ZNF462: variants seen among roughly 807,000 people sequenced by gnomAD.
ZNF462 encodes the protein zinc finger protein 462.
ZNF462 carries 10 observed loss-of-function variants against 201.9 expected under a neutral mutation model. That is an observed-to-expected ratio of 0.05 (90% confidence interval 0.03 to 0.08). The LOEUF is 0.08. Among genes scored for constraint, ZNF462 ranks in the 10% least tolerant of loss-of-function variants. The probability of loss-of-function intolerance (pLI) is 1.00; values close to 1 mark genes in which losing one functional copy is unlikely to be tolerated. For missense variants in ZNF462, 2,523 were observed against 3,168.3 expected (o/e 0.80, Z 4.89); for synonymous variants, 1,227 against 1,193.3 (o/e 1.03, Z -0.58).
chr9:106,911,234 C>G (rs2131304456), intron 1 of ZNF462, among the ~76,000 whole-genome samples: 1 of 152,316 alleles, frequency 6.6e-6, no homozygotes, highest in Non-Finnish European at 1.5e-5. Context: ...TTAGTATTTT[C>G]TCATTAATTG....
rs1827281388 is a variant in ZNF462, at chr9:106,865,253, A to G, written c.-31+1898A>G. ...GACCTGAAGGGTTTTGACCTCCTTCAGGAAAGGCAAGGCAAAAACCTTAAA... is the reference window on the plus strand; with the variant it reads ...GACCTGAAGGGTTTTGACCTCCTTCGGGAAAGGCAAGGCAAAAACCTTAAA... On this transcript the variant is annotated intron_variant, in intron 1 of 12. Transcript: ENST00000277225. This position sits in a 1 kb window ranked among gnomAD's most constrained non-coding sequence, Gnocchi z 4.1. Among the ~76,000 whole-genome samples, 1 of 152,080 alleles carries G rather than the reference A, an allele frequency of 6.6e-6. No individual in the cohort carries two copies. The highest frequency in any genetic ancestry group is 1.5e-5 in the Non-Finnish European group (1 of 68,018).
chr9:106,957,585 CATATAAT>C (rs1329937007), intron 7 of ZNF462, among the ~76,000 whole-genome samples: 2 of 152,046 alleles, frequency 1.3e-5, no homozygotes. Context: ...CTGTATAGTA[CATATAAT>C]ATATATCATG....
chr9:106,951,885 C>T (rs1308749944), intron 7 of ZNF462, among the ~76,000 whole-genome samples: 5 of 149,836 alleles, frequency 3.3e-5, no homozygotes, highest in African/African-American at 9.9e-5. Flanking sequence ...ATTTTGGAGT[C>T]GCGGTGCTGT....
chr9:106,946,005 C>G, intron 7 of ZNF462, among the ~76,000 whole-genome samples: 1 of 152,242 alleles, frequency 6.6e-6, no homozygotes, highest in Middle Eastern at 3.2e-3. Context: ...TGGCTGCTAT[C>G]ATCCTTTGTG....
chr9:106,912,284 T>C (rs1348799662), intron 1 of ZNF462, among the ~76,000 whole-genome samples: 4 of 152,222 alleles, frequency 2.6e-5, no homozygotes, highest in Non-Finnish European at 5.9e-5. Flanking sequence ...AATTCAGTGT[T>C]ATAGCTCTTG....
At chr9:106,914,565 A>G (rs1382155227) in intron 1 of ZNF462, among the ~76,000 whole-genome samples, 1 of 152,220 alleles carries the variant, frequency 6.6e-6, no homozygotes, top group African/African-American at 2.4e-5. Flanking sequence ...GAATCCTATC[A>G]TTCAGAAGCT....
At position 106,876,433 on chromosome 9, in the gene ZNF462, C is replaced by A. The variant is rs114630319; in HGVS notation, c.-31+13078C>A. ...GGTATTTTGTTCTTGGTCTTAAAGTCAGCTTTTGGAATCCTGCTTGTTTAA... is the reference window on the plus strand; with the variant it reads ...GGTATTTTGTTCTTGGTCTTAAAGTAAGCTTTTGGAATCCTGCTTGTTTAA... On this transcript the variant is annotated intron_variant, in intron 1 of 12. Transcript: ENST00000277225. This position sits in a 1 kb window ranked among gnomAD's most constrained non-coding sequence, Gnocchi z 4.9. Among the ~76,000 whole-genome samples, 141 of 152,254 alleles carry A rather than the reference C, an allele frequency of 9.3e-4. No individual in the cohort carries two copies. The highest frequency in any genetic ancestry group is 3.2e-3 in the African/African-American group (135 of 41,558).
At chr9:106,961,629 T>G (rs1831844722) in intron 7 of ZNF462, among the ~76,000 whole-genome samples, 1 of 151,940 alleles carries the variant, frequency 6.6e-6, no homozygotes, top group South Asian at 2.1e-4. Context: ...TTAAAACAAT[T>G]ATAGATAGAT....
intron 1 of ZNF462, among the ~76,000 whole-genome samples, chr9:106,875,957 AAGAT>A (rs576493817): frequency 2.3e-3 from 354 of 152,332 alleles, no homozygotes; most frequent in South Asian, 5.6e-3. Context: ...TACATAGAGA[AAGAT>A]AGATAGATAG....
chr9:106,874,809 T>C (rs1827755391), intron 1 of ZNF462, among the ~76,000 whole-genome samples: 1 of 152,180 alleles, frequency 6.6e-6, no homozygotes, highest in Admixed American at 6.5e-5. Context: ...TTTGTGAAAT[T>C]CATCCCTGCC....
At chr9:106,910,439 A>G (rs987358665) in intron 1 of ZNF462, among the ~76,000 whole-genome samples, 5 of 149,412 alleles carry the variant, frequency 3.3e-5, no homozygotes, top group African/African-American at 1.2e-4. Flanking sequence ...CTTGGCCCTC[A>G]AAAAATGAGA....
chr9:106,893,673 G>A (rs1049875883), intron 1 of ZNF462, among the ~76,000 whole-genome samples: 12 of 152,146 alleles, frequency 7.9e-5, no homozygotes, highest in African/African-American at 2.7e-4. Context: ...CTCAGGAGAC[G>A]GCAGGAACTA....
At position 106,928,963 on chromosome 9, in the gene ZNF462, A is replaced by G. The variant is rs754443425; in HGVS notation, c.5051A>G (p.Asn1684Ser). The G allele has an allele frequency of 1.9e-6, 3 of 1,613,952 alleles. No individual in the cohort carries two copies. The highest frequency in any genetic ancestry group is 2.2e-5 in the East Asian group (1 of 44,862). ...GIARHYRIKH[N>S]NVRAQPEGKN... is the part of the protein sequence containing the mutation. ...GCCAGGCACTACCGCATCAAGCACA[A>G]TAATGTCCGAGCCCAGCCAGAAGGC... Residue 1684 changes from asparagine (N) to serine (S), a missense_variant, in exon 3 of 13, where the codon AAT becomes AGT. Around this residue, in one of 15 missense-constraint regions of ZNF462, gnomAD observed 200 missense variants for 281.3 expected, o/e 0.71. Transcript: ENST00000277225. This position sits in a 1 kb window ranked among gnomAD's most constrained non-coding sequence, Gnocchi z 9.3.
At position 106,872,891 on chromosome 9, in the gene ZNF462, C is replaced by T. The variant is rs796882276; in HGVS notation, c.-31+9536C>T. Among the ~76,000 whole-genome samples, 9 of 152,040 alleles carry T rather than the reference C, an allele frequency of 5.9e-5. No individual in the cohort carries two copies. The highest frequency in any genetic ancestry group is 1.3e-4 in the Admixed American group (2 of 15,272). On this transcript the variant is annotated intron_variant, in intron 1 of 12. Transcript: ENST00000277225. The surrounding 1 kb of genome is among the most constrained non-coding windows in gnomAD (Gnocchi z 4.5). ...CTGACTCATAGTTAATACTGGACAA[C>T]GGTTTTTATTTTTTTTTAACATTTA... is the stretch of plus-strand genomic sequence containing the variant.
At position 107,003,211 on chromosome 9, in the gene ZNF462, G is replaced by A. The variant is rs892325202; in HGVS notation, c.7057-83G>A. On this transcript the variant is annotated intron_variant, in intron 10 of 12. Coordinates refer to ENST00000277225, the MANE Select transcript of ZNF462 (RefSeq NM_021224.6). The surrounding 1 kb of genome is among the most constrained non-coding windows in gnomAD (Gnocchi z 4.4). ...TGCAAAACCACAGTCACAGGAAAAT[G>A]ATGTTAGAAAGATCTCTCCATCAGG... 36 of 1,545,522 alleles carry A rather than the reference G, an allele frequency of 2.3e-5. No individual in the cohort carries two copies. The African/African-American group carries it at 4.3e-4, about 18-fold the overall frequency.
upstream of ZNF462, among the ~76,000 whole-genome samples, chr9:106,861,476 A>T (rs1318853784): frequency 6.6e-6 from 1 of 152,208 alleles, no homozygotes; most frequent in Admixed American, 6.5e-5. Context: ...AATGCAAAGG[A>T]ATCCAGCAAC....
At position 106,864,039 on chromosome 9, in the gene ZNF462, G is replaced by GCGCT. The variant is rs1564062266; in HGVS notation, c.-31+685_-31+686insGCTC. Among the ~76,000 whole-genome samples the GCGCT allele has an allele frequency of 1.1e-3, 25 of 22,760 alleles. 2 individuals carry two copies. Among genetic ancestry groups the GCGCT allele is most frequent in the South Asian group, 1.6e-3 (1 of 608 alleles). 14.9% of individuals were successfully genotyped at this position (22,760 alleles called of 152,430 possible). ...AGCCCCCCTCTTCCTCAGGTATTTG[G>GCGCT]CTCTCTCTCTCTCTCTCTCTCTCTC... On this transcript the variant is annotated intron_variant, in intron 1 of 12. Coordinates refer to ENST00000277225, the MANE Select transcript of ZNF462 (RefSeq NM_021224.6).
rs540150601 is a variant in ZNF462 at position 107,006,477 on chromosome 9, G to A, written c.7189+3051G>A. 5.6e-4 allele frequency among the ~76,000 whole-genome samples: 85 copies of A among 152,172 alleles called. No homozygotes were observed. Among genetic ancestry groups the A allele is most frequent in the Non-Finnish European group, 1.0e-3 (70 of 68,034 alleles). The stretch of plus-strand genomic sequence containing the variant: ...GCACACCACTTTCCCAGTGCTTCGA[G>A]TAGTGTAATCTTCACTGAAGGGGAC... On this transcript the variant is annotated intron_variant, in intron 11 of 12. Coordinates refer to ENST00000277225, the MANE Select transcript of ZNF462 (RefSeq NM_021224.6). This position sits in a 1 kb window ranked among gnomAD's most constrained non-coding sequence, Gnocchi z 4.3.
At chr9:106,882,135 G>A (rs1394248692) in intron 1 of ZNF462, among the ~76,000 whole-genome samples, 1 of 152,162 alleles carries the variant, frequency 6.6e-6, no homozygotes, top group Non-Finnish European at 1.5e-5. Flanking sequence ...ATCTTATTCA[G>A]TTAAAATTTA....
Sources: allele counts gnomAD v4.1 joint callset (sites outside exome capture counted in the v4.1 genomes callset), GRCh38; gene constraint gnomAD v4.1.1; regional missense constraint gnomAD v4.1.1; non-coding constraint Gnocchi (gnomAD v3.1); transcripts MANE v1.5; gene names NCBI Gene and HGNC (gene_info 2026-07-23, HGNC 2026-07-21).